Variants in RB1 observed in about 807,000 individuals in gnomAD.
RB1 encodes the protein RB transcriptional corepressor 1.
Under a neutral mutation model 135.4 loss-of-function variants are expected in RB1, and 18 were observed. The observed-to-expected ratio is 0.13, with a 90% CI of 0.09 to 0.20. The LOEUF (loss-of-function observed/expected upper bound fraction) is 0.20. RB1 is among the 10% of genes least tolerant of loss of function. The probability of loss-of-function intolerance (pLI) is 1.00; values close to 1 mark genes in which losing one functional copy is unlikely to be tolerated. For missense variants in RB1, 868 were observed against 1,110.0 expected (o/e 0.78, Z 3.10); for synonymous variants, 365 against 373.2 (o/e 0.98, Z 0.25).
chr13:48,373,434 T>A lies in RB1; in HGVS notation c.1157T>A (p.Met386Lys). Residue 386 changes from methionine to lysine, a missense_variant, in exon 12 of 27, where the codon ATG (methionine) becomes AAG (lysine). Around this residue, in one of 3 missense-constraint regions of RB1, gnomAD observed 641 missense variants for 791.3 expected, o/e 0.81. Coordinates refer to ENST00000267163, the MANE Select transcript of RB1 (RefSeq NM_000321.3). Reference sequence around the variant, plus strand: ...GTTATGAACACTATCCAACAATTAATGATGATTTTAAATTCAGCAAGTGAT... The same window carrying A: ...GTTATGAACACTATCCAACAATTAAAGATGATTTTAAATTCAGCAAGTGAT... ...RTVMNTIQQL[M>K]MILNSASDQP... 1 of 1,598,128 alleles carries A rather than the reference T, an allele frequency of 6.3e-7. No individual in the cohort carries two copies. The highest frequency in any genetic ancestry group is 8.6e-7 in the Non-Finnish European group (1 of 1,165,914).
At chr13:48,447,888 G>C (rs951000786) in intron 17 of RB1, among the ~76,000 whole-genome samples, 2 of 152,162 alleles carry the variant, frequency 1.3e-5, no homozygotes, top group Non-Finnish European at 2.9e-5. Flanking sequence ...TTAATCCTTG[G>C]AAGAGAAATT....
intron 17 of RB1, chr13:48,412,539 T>C: frequency 2.6e-6 from 2 of 758,600 alleles, no homozygotes; most frequent in East Asian, 2.5e-5. Flanking sequence ...TCTGGATCTT[T>C]GGATGGTTTT....
chr13:48,383,964 TGA>T (rs1948554982), intron 17 of RB1, among the ~76,000 whole-genome samples: 1 of 152,084 alleles, frequency 6.6e-6, no homozygotes, highest in Non-Finnish European at 1.5e-5. Context: ...TGCCTTGAAT[TGA>T]GAGAGATACT....
At chr13:48,365,068 A>AT (rs560611082) in intron 9 of RB1, 97 bp downstream of exon 9, 19,057 of 1,211,690 alleles carry the variant, frequency 0.016, 23 homozygotes, top group Middle Eastern at 0.03. Flanking sequence ...TGTGTATCAC[A>AT]TTTTTTTTTT....
intron 24 of RB1, among the ~76,000 whole-genome samples, chr13:48,474,523 A>G (rs1949492320): frequency 6.6e-6 from 1 of 152,190 alleles, no homozygotes; most frequent in African/African-American, 2.4e-5. Flanking sequence ...TTCACTCATT[A>G]TGAGTGTGAT....
intron 13 of RB1, among the ~76,000 whole-genome samples, chr13:48,379,182 C>G (rs1016093149): frequency 6.6e-6 from 1 of 152,082 alleles, no homozygotes; most frequent in African/African-American, 2.4e-5. Context: ...GGCACATAAC[C>G]TATCTTTAGT....
chr13:48,454,239 T>A (rs961143640), intron 18 of RB1, among the ~76,000 whole-genome samples: 9 of 152,238 alleles, frequency 5.9e-5, no homozygotes, highest in Non-Finnish European at 1.3e-4. Flanking sequence ...TCTAACTACA[T>A]TGCCTTTCAC....
At chr13:48,344,775 T>C (rs775084973) in intron 3 of RB1, among the ~76,000 whole-genome samples, 1 of 152,168 alleles carries the variant, frequency 6.6e-6, no homozygotes. Context: ...ATTGGATGAA[T>C]GGATGTGAAC....
chr13:48,324,843 G>A (rs1442535825), intron 2 of RB1, among the ~76,000 whole-genome samples: 1 of 141,950 alleles, frequency 7.0e-6, no homozygotes, highest in African/African-American at 2.6e-5. Flanking sequence ...TTGTGCTTTT[G>A]TTTTTTTTTT....
At chr13:48,439,854 T>C (rs2138302446) in intron 17 of RB1, 1 of 152,280 alleles carries the variant, frequency 6.6e-6, no homozygotes, top group South Asian at 2.1e-4. Flanking sequence ...AATATTGCTA[T>C]TTAAGAAAGA....
intron 2 of RB1, among the ~76,000 whole-genome samples, chr13:48,312,175 C>A (rs976879453): frequency 3.3e-5 from 5 of 152,160 alleles, no homozygotes; most frequent in African/African-American, 1.2e-4. Flanking sequence ...TCACTCTTTA[C>A]AATGTGTATC....
At chr13:48,308,050 A>C (rs78751426) in intron 2 of RB1, among the ~76,000 whole-genome samples, 2 of 151,792 alleles carry the variant, frequency 1.3e-5, no homozygotes, top group East Asian at 3.9e-4. Flanking sequence ...CTGACTCAGA[A>C]TTAGTTTTGT....
intron 2 of RB1, chr13:48,320,051 G>A: frequency 5.7e-6 from 3 of 528,252 alleles, no homozygotes; most frequent in Middle Eastern, 6.1e-4. Flanking sequence ...GGGCTGTGCG[G>A]CTCCACTCTT....
chr13:48,317,377 C>T, intron 2 of RB1: 2 of 373,582 alleles, frequency 5.4e-6, no homozygotes, highest in East Asian at 5.0e-5. Flanking sequence ...ACTTTCCGAG[C>T]GCAGCGCGCA....
At chr13:48,439,062 A>G (rs1949210940) in intron 17 of RB1, among the ~76,000 whole-genome samples, 1 of 152,172 alleles carries the variant, frequency 6.6e-6, no homozygotes, top group Non-Finnish European at 1.5e-5. Flanking sequence ...ATGGGCAAAG[A>G]AAGAGTGAAA....
chr13:48,316,134 CAT>C (rs1434593090), intron 2 of RB1, among the ~76,000 whole-genome samples: 1 of 152,186 alleles, frequency 6.6e-6, no homozygotes, highest in Non-Finnish European at 1.5e-5. Flanking sequence ...CAGCCGCTGA[CAT>C]CCGCGGGGAT....
At chr13:48,326,871 A>T (rs1377017881) in intron 2 of RB1, among the ~76,000 whole-genome samples, 1 of 152,090 alleles carries the variant, frequency 6.6e-6, no homozygotes, top group Non-Finnish European at 1.5e-5. Context: ...TTAAAAAAAA[A>T]GTTCGTATAC....
intron 12 of RB1, 23 bp from the exon 13 acceptor site, chr13:48,376,895 A>C: frequency 6.2e-7 from 1 of 1,612,984 alleles, no homozygotes; most frequent in South Asian, 1.1e-5. Flanking sequence ...CTCGACATTG[A>C]TTTCTGTTTT....
chr13:48,383,652 A>C (rs1483630312), intron 17 of RB1, among the ~76,000 whole-genome samples: 5 of 152,064 alleles, frequency 3.3e-5, no homozygotes. Flanking sequence ...AAACATGGGA[A>C]ATTGATAGAA....
Sources: allele counts gnomAD v4.1 joint callset (sites outside exome capture counted in the v4.1 genomes callset), GRCh38; gene constraint gnomAD v4.1.1; regional missense constraint gnomAD v4.1.1; transcripts MANE v1.5; gene names NCBI Gene and HGNC (gene_info 2026-07-23, HGNC 2026-07-21).